Variants in SERPINI1 observed in about 807,000 individuals in gnomAD.
SERPINI1 encodes serpin family I member 1.
In SERPINI1, 19 loss-of-function variants were observed where a neutral mutation model predicts 41.1. The ratio of observed to expected loss-of-function variants is 0.46; its 90% CI spans 0.32 to 0.68. The LOEUF is 0.68. Among genes scored for constraint, SERPINI1 ranks in the 30% least tolerant of loss-of-function variants. The pLI is 0.03. For missense variants in SERPINI1, 460 were observed against 479.2 expected, an observed-to-expected ratio of 0.96 and a Z score of 0.37; for synonymous variants, 138 against 156.6, an observed-to-expected ratio of 0.88 and a Z score of 0.89.
chr3:167,763,574 A>G (rs1276982619), intron 1 of SERPINI1, among the ~76,000 whole-genome samples: 2 of 152,132 alleles, frequency 1.3e-5, no homozygotes. Context: ...GTGGAGACGC[A>G]GTTCCAACAT....
chr3:167,744,383 A>G (rs978903694), intron 1 of SERPINI1, among the ~76,000 whole-genome samples: 5 of 151,262 alleles, frequency 3.3e-5, no homozygotes, highest in African/African-American at 1.2e-4. Flanking sequence ...AACTTTTTTT[A>G]CTCAAATAGG....
intron 1 of SERPINI1, among the ~76,000 whole-genome samples, chr3:167,772,705 A>T (rs1396314047): frequency 1.3e-5 from 2 of 151,190 alleles, no homozygotes; most frequent in African/African-American, 2.4e-5. Context: ...GGAGTCATTA[A>T]AATATTCTCT....
intron 6 of SERPINI1, among the ~76,000 whole-genome samples, chr3:167,818,182 C>T (rs765919937): frequency 7.9e-5 from 12 of 152,018 alleles, no homozygotes; most frequent in Admixed American, 3.3e-4. Flanking sequence ...CACGCCATCA[C>T]GCCTGGCTAA....
intron 1 of SERPINI1, among the ~76,000 whole-genome samples, chr3:167,749,931 A>G (rs142265370): frequency 1.5e-4 from 23 of 152,306 alleles, no homozygotes; most frequent in African/African-American, 5.5e-4. Flanking sequence ...GTGGGGCAGT[A>G]TGTAGTGCTC....
intron 5 of SERPINI1, among the ~76,000 whole-genome samples, chr3:167,795,983 T>A (rs1202329865): frequency 6.6e-6 from 1 of 152,110 alleles, no homozygotes; most frequent in Non-Finnish European, 1.5e-5. Flanking sequence ...TTAAAACACA[T>A]TCCATATTAA....
chr3:167,810,536 C>T (rs1711836984), intron 6 of SERPINI1, among the ~76,000 whole-genome samples: 3 of 152,116 alleles, frequency 2.0e-5, no homozygotes, highest in Admixed American at 2.0e-4. Flanking sequence ...AAAGCATATA[C>T]CTTAATGTAG....
chr3:167,783,565 T>C (rs572888443), intron 1 of SERPINI1, among the ~76,000 whole-genome samples: 3 of 152,142 alleles, frequency 2.0e-5, no homozygotes, highest in Admixed American at 6.5e-5. Flanking sequence ...CCAGTGGGCA[T>C]GAGAAGTGTA....
rs867078253 is a variant in SERPINI1 at position 167,772,923 on chromosome 3, T to C, written c.-18-16188T>C. On this transcript the variant is annotated intron_variant, in intron 1 of 8. Coordinates refer to ENST00000446050, the MANE Select transcript of SERPINI1 (RefSeq NM_001122752.2). The stretch of plus-strand genomic sequence containing the variant: ...ACACACACACACACACACACACACA[T>C]GCATATATACATATACATATATACA... Among the ~76,000 whole-genome samples the C allele has an allele frequency of 2.7e-3, 258 of 93,900 alleles. 1 individual carries two copies. Among genetic ancestry groups the C allele is most frequent in the Non-Finnish European group, 4.3e-3 (199 of 46,602 alleles). 61.6% of individuals were successfully genotyped at this position (93,900 alleles called of 152,430 possible). A position where few individuals can be genotyped will look rare whatever the true frequency, so the allele number is the denominator to read the frequency against.
chr3:167,744,825 A>G (rs1461185304), intron 1 of SERPINI1, among the ~76,000 whole-genome samples: 4 of 120,056 alleles, frequency 3.3e-5, no homozygotes, highest in Non-Finnish European at 6.7e-5. Flanking sequence ...AGTTATATAT[A>G]TAATATATAT....
chr3:167,763,309 C>T lies in SERPINI1; in HGVS notation c.-18-25802C>T, dbSNP rs190635227. On this transcript the variant is annotated intron_variant, in intron 1 of 8. Coordinates refer to ENST00000446050, the MANE Select transcript of SERPINI1 (RefSeq NM_001122752.2). Reference sequence around the variant, plus strand: ...TGTAATTATTGCTCAATTATTTCCTCGTTTCCCATTCCTCTCATGCCACCA... The same window carrying T: ...TGTAATTATTGCTCAATTATTTCCTTGTTTCCCATTCCTCTCATGCCACCA... Among the ~76,000 whole-genome samples, 107 of 152,138 alleles carry T rather than the reference C, an allele frequency of 7.0e-4. 1 individual carries two copies. In the East Asian group the frequency reaches 0.012, roughly 17 times the overall value.
chr3:167,762,786 A>G (rs930776958), intron 1 of SERPINI1, among the ~76,000 whole-genome samples: 22 of 151,204 alleles, frequency 1.5e-4, no homozygotes, highest in African/African-American at 5.4e-4. Context: ...TTTTTCCAGG[A>G]TATTTATCAC....
intron 1 of SERPINI1, among the ~76,000 whole-genome samples, chr3:167,763,381 G>A (rs1577405005): frequency 6.7e-6 from 1 of 149,768 alleles, no homozygotes; most frequent in South Asian, 2.1e-4. Context: ...GTGTGTGTAT[G>A]TGTGTGTGTG....
chr3:167,780,814 A>C (rs1340067384), intron 1 of SERPINI1, among the ~76,000 whole-genome samples: 1 of 152,138 alleles, frequency 6.6e-6, no homozygotes, highest in East Asian at 1.9e-4. Context: ...CCACATCCAA[A>C]TTTAAGGAAA....
intron 5 of SERPINI1, among the ~76,000 whole-genome samples, chr3:167,800,636 T>C (rs1054107844): frequency 1.3e-5 from 2 of 152,200 alleles, no homozygotes; most frequent in Non-Finnish European, 2.9e-5. Context: ...GATTTGTCAT[T>C]TGTGATCAGA....
rs561687069 is a variant in SERPINI1 at position 167,762,271 on chromosome 3, G to A, written c.-19+26448G>A. On this transcript the variant is annotated intron_variant, in intron 1 of 8. Transcript: ENST00000446050. Reference sequence around the variant, plus strand: ...ACTTCATTCCCTCTCCTCTCCTCATGATACCACTCCTGCAGTGCCCTTCTC... The same window carrying A: ...ACTTCATTCCCTCTCCTCTCCTCATAATACCACTCCTGCAGTGCCCTTCTC... Among the ~76,000 whole-genome samples the A allele has an allele frequency of 1.2e-4, 18 of 151,912 alleles. No homozygotes were observed. In the South Asian group the frequency reaches 2.1e-3, roughly 18 times the overall value.
intron 1 of SERPINI1, among the ~76,000 whole-genome samples, chr3:167,786,817 C>G (rs904905458): frequency 2.0e-5 from 3 of 151,926 alleles, no homozygotes; most frequent in Non-Finnish European, 2.9e-5. Flanking sequence ...TGTAATGCCA[C>G]CACATCTGGC....
chr3:167,739,216 C>T (rs1051864634), intron 1 of SERPINI1, among the ~76,000 whole-genome samples: 5 of 150,136 alleles, frequency 3.3e-5, no homozygotes, highest in African/African-American at 1.2e-4. Context: ...AGACCATGTA[C>T]TTCTTTTCTA....
intron 6 of SERPINI1, among the ~76,000 whole-genome samples, chr3:167,809,995 G>C (rs2108568698): frequency 6.6e-6 from 1 of 152,212 alleles, no homozygotes; most frequent in South Asian, 2.1e-4. Flanking sequence ...AGTTTTGCCA[G>C]AGTCTAAGCA....
intron 6 of SERPINI1, among the ~76,000 whole-genome samples, chr3:167,814,069 C>T (rs141529102): frequency 3.3e-5 from 5 of 152,180 alleles, no homozygotes; most frequent in African/African-American, 7.2e-5. Flanking sequence ...TTCTGAATAA[C>T]CTGTGTCAAA....
Sources: gnomAD v4.1 joint callset for allele counts (sites outside exome capture counted in the v4.1 genomes callset) on GRCh38, gnomAD v4.1.1 for gene constraint, MANE v1.5 for transcripts, NCBI Gene and HGNC (gene_info 2026-07-23, HGNC 2026-07-21) for gene names.